Variants in NKAIN2 observed in about 807,000 individuals in gnomAD.
NKAIN2 encodes sodium/potassium transporting ATPase interacting 2.
NKAIN2 carries 14 observed loss-of-function variants against 32.6 expected under a neutral mutation model. The ratio of observed to expected loss-of-function variants is 0.43; its 90% CI spans 0.28 to 0.67. The LOEUF (loss-of-function observed/expected upper bound fraction) is 0.67. Among genes scored for constraint, NKAIN2 ranks in the 30% least tolerant of loss-of-function variants. NKAIN2 has a pLI of 0.17. For missense variants in NKAIN2, 198 were observed against 258.3 expected (o/e 0.77, Z 1.60); for synonymous variants, 80 against 87.2 (o/e 0.92, Z 0.46).
chr6:123,835,638 AT>A (rs900518049), intron 1 of NKAIN2, among the ~76,000 whole-genome samples: 15 of 152,174 alleles, frequency 9.9e-5, no homozygotes, highest in African/African-American at 3.4e-4. Context: ...TGAATTCTTT[AT>A]TTTGTGGTTA....
chr6:124,134,635 A>T (rs1786643936), intron 1 of NKAIN2, among the ~76,000 whole-genome samples: 1 of 152,104 alleles, frequency 6.6e-6, no homozygotes, highest in Admixed American at 6.5e-5. Context: ...AGTGAGCCAG[A>T]ATTACACCAC....
chr6:123,928,700 C>A (rs1270342468), intron 1 of NKAIN2, among the ~76,000 whole-genome samples: 1 of 152,068 alleles, frequency 6.6e-6, no homozygotes, highest in Non-Finnish European at 1.5e-5. Flanking sequence ...TTTGTAAAAA[C>A]AATCTGGCAG....
At chr6:124,102,033 C>G (rs1349712215) in intron 1 of NKAIN2, among the ~76,000 whole-genome samples, 1 of 152,178 alleles carries the variant, frequency 6.6e-6, no homozygotes, top group Non-Finnish European at 1.5e-5. Flanking sequence ...GTGGCAAGAC[C>G]TCTACCAAGA....
intron 1 of NKAIN2, among the ~76,000 whole-genome samples, chr6:123,885,052 A>G (rs951979025): frequency 4.6e-5 from 7 of 152,192 alleles, no homozygotes; most frequent in Non-Finnish European, 8.8e-5. Flanking sequence ...AGAGACAGAA[A>G]GAAGTAATAA....
At position 124,760,416 on chromosome 6, in the gene NKAIN2, G is replaced by A. The variant is rs1393025605; in HGVS notation, c.475-30923G>A. Among the ~76,000 whole-genome samples the A allele has an allele frequency of 5.7e-4, 64 of 111,772 alleles. 1 individual carries two copies. The highest frequency in any genetic ancestry group is 9.5e-4 in the Non-Finnish European group (54 of 56,702). The allele number at this position is 111,772 out of a possible 152,430, so 73.3% of individuals were successfully genotyped here. ...TGCACACGTACCCCTGAACATAAAA[G>A]TTAAAAAAAAAAAATAGGCATCTCC... On this transcript the variant is annotated intron_variant, in intron 4 of 6. Transcript: ENST00000368417.
intron 2 of NKAIN2, among the ~76,000 whole-genome samples, chr6:124,353,369 T>TGAGG (rs1239797922): frequency 1.3e-5 from 2 of 152,082 alleles, no homozygotes; most frequent in African/African-American, 4.8e-5. Context: ...TTCGGAATCA[T>TGAGG]GAGGGAGGTG....
intron 4 of NKAIN2, among the ~76,000 whole-genome samples, chr6:124,706,401 G>C (rs1775065913): frequency 6.6e-6 from 1 of 152,004 alleles, no homozygotes; most frequent in African/African-American, 2.4e-5. Context: ...CTTCATTGCT[G>C]TTATTATATA....
chr6:124,723,848 C>T (rs1033638390), intron 4 of NKAIN2, among the ~76,000 whole-genome samples: 1 of 152,172 alleles, frequency 6.6e-6, no homozygotes, highest in South Asian at 2.1e-4. Context: ...TCTTTTACTT[C>T]CAAAATGCTG....
chr6:124,419,566 G>A (rs1245839911), intron 3 of NKAIN2, among the ~76,000 whole-genome samples: 1 of 152,164 alleles, frequency 6.6e-6, no homozygotes, highest in Admixed American at 6.6e-5. Flanking sequence ...TACAGTGTGT[G>A]TGAGGATATT....
At chr6:124,320,452 A>C (rs184892474) in intron 2 of NKAIN2, among the ~76,000 whole-genome samples, 53 of 152,268 alleles carry the variant, frequency 3.5e-4, no homozygotes, top group Non-Finnish European at 6.6e-4. Flanking sequence ...CTGAAGGATA[A>C]GGTTTATAAT....
At chr6:124,423,665 G>A (rs80082716) in intron 3 of NKAIN2, among the ~76,000 whole-genome samples, 6,777 of 152,250 alleles carry the variant, frequency 0.045, 256 homozygotes, top group Non-Finnish European at 0.065. Flanking sequence ...TCATGGATGG[G>A]ATTATGGCCC....
intron 4 of NKAIN2, among the ~76,000 whole-genome samples, chr6:124,690,935 T>C (rs918111580): frequency 1.1e-4 from 16 of 152,180 alleles, no homozygotes; most frequent in African/African-American, 3.9e-4. Context: ...GGATCTGTTA[T>C]CCATTCTCTC....
chr6:124,155,244 T>G (rs1582752407), intron 1 of NKAIN2, among the ~76,000 whole-genome samples: 1 of 152,226 alleles, frequency 6.6e-6, no homozygotes, highest in Non-Finnish European at 1.5e-5. Flanking sequence ...ACTTTGGCCT[T>G]CCATAGCACT....
At chr6:124,136,074 TAAATG>T (rs1786769112) in intron 1 of NKAIN2, among the ~76,000 whole-genome samples, 1 of 151,848 alleles carries the variant, frequency 6.6e-6, no homozygotes, top group Non-Finnish European at 1.5e-5. Flanking sequence ...ACACAAAAGA[TAAATG>T]AAACGAAAAG....
intron 1 of NKAIN2, among the ~76,000 whole-genome samples, chr6:124,278,178 A>G (rs2114904393): frequency 6.6e-6 from 1 of 152,274 alleles, no homozygotes; most frequent in South Asian, 2.1e-4. Context: ...TCTTGTTATT[A>G]AAGTTGAATA....
chr6:124,587,453 C>T (rs1781751582), intron 3 of NKAIN2, among the ~76,000 whole-genome samples: 1 of 152,008 alleles, frequency 6.6e-6, no homozygotes, highest in Non-Finnish European at 1.5e-5. Flanking sequence ...CTCCTGACCT[C>T]GTGATCCGCC....
chr6:124,194,165 C>T (rs1790183999), intron 1 of NKAIN2, among the ~76,000 whole-genome samples: 1 of 151,738 alleles, frequency 6.6e-6, no homozygotes, highest in Non-Finnish European at 1.5e-5. Context: ...ACCAGCAGCC[C>T]AGCCCCCAGG....
chr6:124,304,555 A>G (rs1796431972), intron 2 of NKAIN2, among the ~76,000 whole-genome samples: 1 of 152,222 alleles, frequency 6.6e-6, no homozygotes, highest in Admixed American at 6.5e-5. Context: ...GGAATCATGC[A>G]TTTCAGAAAT....
chr6:124,633,165 G>A (rs1583555639), intron 3 of NKAIN2, among the ~76,000 whole-genome samples: 1 of 152,182 alleles, frequency 6.6e-6, no homozygotes, highest in Non-Finnish European at 1.5e-5. Flanking sequence ...AGAAAGTACA[G>A]TGGGAAGTCA....
Sources: allele counts gnomAD v4.1 joint callset (sites outside exome capture counted in the v4.1 genomes callset), GRCh38; gene constraint gnomAD v4.1.1; transcripts MANE v1.5; gene names NCBI Gene and HGNC (gene_info 2026-07-23, HGNC 2026-07-21).